Variants in USP37 observed in about 807,000 individuals in gnomAD.
The protein encoded by USP37 is ubiquitin carboxyl-terminal hydrolase 37.
A neutral mutation model predicts 124.0 loss-of-function variants in USP37; 27 were observed. The ratio of observed to expected loss-of-function variants is 0.22; its 90% CI spans 0.16 to 0.30. The LOEUF (loss-of-function observed/expected upper bound fraction) is 0.30. Among genes scored for constraint, USP37 ranks in the 10% least tolerant of loss-of-function variants. The pLI, the probability that USP37 is intolerant of heterozygous loss-of-function variation, is 1.00. For missense variants in USP37, 889 were observed against 1,140.4 expected (o/e 0.78, Z 3.17); for synonymous variants, 365 against 388.0 (o/e 0.94, Z 0.70).
intron 20 of USP37, among the ~76,000 whole-genome samples, chr2:218,472,826 T>C (rs1004213841): frequency 1.3e-5 from 2 of 152,178 alleles, no homozygotes; most frequent in Non-Finnish European, 2.9e-5. Flanking sequence ...CATCTAAGAA[T>C]ATTAACAGTA....
At chr2:218,501,550 G>T (rs1252197143) in intron 11 of USP37, among the ~76,000 whole-genome samples, 1 of 152,100 alleles carries the variant, frequency 6.6e-6, no homozygotes, top group African/African-American at 2.4e-5. Context: ...CTAGACAATA[G>T]GCAGCACAAA....
intron 10 of USP37, among the ~76,000 whole-genome samples, chr2:218,527,261 T>C (rs1691032168): frequency 6.6e-6 from 1 of 152,234 alleles, no homozygotes; most frequent in Admixed American, 6.5e-5. Context: ...CCCATTTTCA[T>C]GTCTTTGCAC....
At chr2:218,473,857 G>A (rs1178343525) in intron 20 of USP37, among the ~76,000 whole-genome samples, 1 of 152,150 alleles carries the variant, frequency 6.6e-6, no homozygotes, top group African/African-American at 2.4e-5. Flanking sequence ...TCGTCTTTGT[G>A]CGAACATCTT....
intron 19 of USP37, among the ~76,000 whole-genome samples, chr2:218,476,222 A>G (rs1690966949): frequency 6.6e-6 from 1 of 152,192 alleles, no homozygotes; most frequent in South Asian, 2.1e-4. Flanking sequence ...AATTTAAACA[A>G]TTAGATTACT....
At chr2:218,509,853 A>G (rs1353734416) in intron 11 of USP37, 126 bp downstream of exon 11, 13 of 915,434 alleles carry the variant, frequency 1.4e-5, no homozygotes, top group Non-Finnish European at 1.9e-5. Context: ...TAAATCTTTA[A>G]TAAGTGATCT....
At chr2:218,546,372 T>A in intron 7 of USP37, 74 bp from the exon 8 acceptor site, 1 of 1,020,442 alleles carries the variant, frequency 9.8e-7, no homozygotes, top group Non-Finnish European at 1.5e-6. Flanking sequence ...ATCAACATAC[T>A]GAAGGACAGG....
At chr2:218,486,423 CTGTT>C (rs1691560916) in intron 15 of USP37, 1 of 152,074 alleles carries the variant, frequency 6.6e-6, no homozygotes, top group South Asian at 2.1e-4. Context: ...ATTTTTTTGT[CTGTT>C]TGTTTTGACA....
At chr2:218,455,067 C>G in intron 25 of USP37, 50 bp from the exon 26 acceptor site, 1 of 1,604,262 alleles carries the variant, frequency 6.2e-7, no homozygotes, top group South Asian at 1.1e-5. Context: ...GTAAGCAGAA[C>G]CAAAGAATAG....
intron 23 of USP37, 23 bp downstream of exon 23, chr2:218,459,767 T>C (rs751630010): frequency 1.3e-6 from 2 of 1,595,170 alleles, no homozygotes; most frequent in Non-Finnish European, 1.7e-6. Context: ...TGACCAACTG[T>C]ACTCAGGAAT....
chr2:218,496,957 C>T lies in USP37; in HGVS notation c.1281+777G>A, dbSNP rs147557630. 1.9e-4 allele frequency among the ~76,000 whole-genome samples: 29 copies of T among 151,590 alleles called. No homozygotes were observed. In the East Asian group the frequency reaches 5.7e-3, roughly 30 times the overall value. ...TGAGCTACCGCACCCAGCCTCTCCT[C>T]AGGTTTTTCAATCTATAATGAACAC... On this transcript the variant is annotated intron_variant, in intron 13 of 25. Transcript: ENST00000258399.
At chr2:218,553,467 G>A (rs1229474033) in intron 5 of USP37, 86 bp downstream of exon 5, 1 of 1,263,686 alleles carries the variant, frequency 7.9e-7, no homozygotes, top group Non-Finnish European at 1.1e-6. Flanking sequence ...TTAATGTGCT[G>A]ATGAATTCAG....
At chr2:218,490,354 A>G (rs1243784326) in intron 14 of USP37, among the ~76,000 whole-genome samples, 3 of 152,276 alleles carry the variant, frequency 2.0e-5, no homozygotes, top group Admixed American at 2.0e-4. Context: ...ATAAATAAAT[A>G]ATCTACATGT....
At chr2:218,547,596 A>G (rs1338291932) in intron 6 of USP37, among the ~76,000 whole-genome samples, 3 of 151,782 alleles carry the variant, frequency 2.0e-5, no homozygotes, top group African/African-American at 7.3e-5. Flanking sequence ...AAAAAAAAAA[A>G]AAAAAAAGAC....
chr2:218,482,426 A>G (rs1348885083), intron 16 of USP37, among the ~76,000 whole-genome samples, 192 bp from the exon 17 acceptor site: 2 of 152,232 alleles, frequency 1.3e-5, no homozygotes, highest in African/African-American at 2.4e-5. Flanking sequence ...AAGCATACAA[A>G]TAATGGTGGA....
intron 1 of USP37, among the ~76,000 whole-genome samples, chr2:218,566,365 C>G (rs996675946): frequency 1.3e-5 from 2 of 152,156 alleles, no homozygotes; most frequent in South Asian, 2.1e-4. Flanking sequence ...AGGCAAGAAC[C>G]AGGTTATGCA....
intron 13 of USP37, among the ~76,000 whole-genome samples, chr2:218,497,394 T>G (rs963498381): frequency 6.6e-5 from 10 of 151,088 alleles, no homozygotes; most frequent in Non-Finnish European, 4.4e-5. Context: ...TTTATAAATA[T>G]TTATTTATTT....
chr2:218,558,447 T>A (rs775756795), intron 4 of USP37, 51 bp downstream of exon 4: 11 of 1,551,132 alleles, frequency 7.1e-6, no homozygotes, highest in Admixed American at 3.6e-5. Context: ...GAATAGCTAT[T>A]TACTAAATGA....
Position 218,547,100 on chromosome 2 carries a change from A to G in USP37, c.430-9T>C, listed in dbSNP as rs1203625593. 6.3e-6 allele frequency: 10 copies of G among 1,586,886 alleles called. No homozygotes were observed. Among genetic ancestry groups the G allele is most frequent in the Non-Finnish European group, 8.5e-6 (10 of 1,172,830 alleles). ...CCTCTTTTTGCAGAAGCCTGTAAAA[A>G]TAAAGTTTGAGATAGTTAAATCTTC... On this transcript the variant is annotated splice_polypyrimidine_tract_variant and intron_variant, in intron 6 of 25. Coordinates refer to ENST00000258399, the MANE Select transcript of USP37 (RefSeq NM_020935.3).
chr2:218,532,206 G>A (rs992843453), intron 9 of USP37, among the ~76,000 whole-genome samples: 3 of 152,104 alleles, frequency 2.0e-5, no homozygotes, highest in Admixed American at 1.3e-4. Flanking sequence ...AGTGGCTCAC[G>A]TCTGTAATAC....
Sources: gnomAD v4.1 joint callset for allele counts (sites outside exome capture counted in the v4.1 genomes callset) on GRCh38, gnomAD v4.1.1 for gene constraint, MANE v1.5 for transcripts, NCBI Gene and HGNC (gene_info 2026-07-23, HGNC 2026-07-21) for gene names.